MIS18A: variants seen among roughly 807,000 people sequenced by gnomAD.
MIS18A encodes the protein protein Mis18-alpha.
MIS18A carries 14 observed loss-of-function variants against 25.0 expected under a neutral mutation model. The ratio of observed to expected loss-of-function variants is 0.56; its 90% CI spans 0.37 to 0.88. The LOEUF (loss-of-function observed/expected upper bound fraction) is 0.88. Among genes scored for constraint, MIS18A ranks in the 40% least tolerant of loss-of-function variants. MIS18A has a pLI of 0.00. For missense variants in MIS18A, 292 were observed against 290.8 expected, an observed-to-expected ratio of 1.00 and a Z score of -0.03; for synonymous variants, 134 against 118.6, an observed-to-expected ratio of 1.13 and a Z score of -0.84.
At chr21:32,167,924 A>T in the MIS18A span, among the ~76,000 whole-genome samples, 1 of 152,288 alleles carries the variant, frequency 6.6e-6, no homozygotes. Flanking sequence ...AGACAATAGG[A>T]CGTTGTTATG....
the MIS18A span, among the ~76,000 whole-genome samples, chr21:32,208,224 G>C: frequency 1.3e-5 from 2 of 152,116 alleles, no homozygotes; most frequent in African/African-American, 4.8e-5. Flanking sequence ...ACATGGTTTG[G>C]ATCTGTGTCC....
chr21:32,276,793 T>TA (rs2031819616), intron 1 of MIS18A, among the ~76,000 whole-genome samples: 1 of 151,990 alleles, frequency 6.6e-6, no homozygotes, highest in South Asian at 2.1e-4. Context: ...AGCCAGGTGT[T>TA]AGTGTGTATC....
chr21:32,226,956 G>A, the MIS18A span, among the ~76,000 whole-genome samples: 1 of 151,846 alleles, frequency 6.6e-6, no homozygotes, highest in African/African-American at 2.4e-5. Context: ...TCACAAATAG[G>A]AAAACAACAC....
the MIS18A span, among the ~76,000 whole-genome samples, chr21:32,205,130 A>T: frequency 9.9e-6 from 1 of 101,350 alleles, no homozygotes. Context: ...TTTGAGACAG[A>T]GTCTCACTCT....
chr21:32,265,764 G>A (rs530100046), downstream of MIS18A, among the ~76,000 whole-genome samples: 15 of 152,368 alleles, frequency 9.8e-5, no homozygotes, highest in East Asian at 5.8e-4. Context: ...GCCCCGGTGC[G>A]GGATCCACTA....
chr21:32,222,448 G>T, the MIS18A span, among the ~76,000 whole-genome samples: 2 of 152,270 alleles, frequency 1.3e-5, no homozygotes, highest in South Asian at 4.2e-4. Flanking sequence ...GGACCTAATA[G>T]AAATCTACAG....
At chr21:32,163,407 T>C in the MIS18A span, among the ~76,000 whole-genome samples, 1 of 152,194 alleles carries the variant, frequency 6.6e-6, no homozygotes, top group African/African-American at 2.4e-5. Context: ...GAAAGAGTCA[T>C]GCTCACAACA....
the MIS18A span, among the ~76,000 whole-genome samples, chr21:32,200,902 G>A: frequency 6.6e-6 from 1 of 152,148 alleles, no homozygotes; most frequent in Non-Finnish European, 1.5e-5. Flanking sequence ...ACCCTCAGGA[G>A]GCAGGAGAAC....
At chr21:32,156,730 G>A in the MIS18A span, among the ~76,000 whole-genome samples, 1 of 152,054 alleles carries the variant, frequency 6.6e-6, no homozygotes, top group African/African-American at 2.4e-5. Flanking sequence ...GCGGGGGGTT[G>A]CATCTGTGAG....
At chr21:32,203,084 GA>G in the MIS18A span, among the ~76,000 whole-genome samples, 2 of 150,904 alleles carry the variant, frequency 1.3e-5, no homozygotes, top group African/African-American at 4.9e-5. Flanking sequence ...TAATGTAATA[GA>G]AAATTTTAAA....
At chr21:32,248,088 G>T in the MIS18A span, among the ~76,000 whole-genome samples, 1 of 152,182 alleles carries the variant, frequency 6.6e-6, no homozygotes, top group South Asian at 2.1e-4. Context: ...AACGGCTCTG[G>T]TCTTCTCTGT....
chr21:32,269,177 G>A (rs2123462742), intron 4 of MIS18A, 60 bp from the exon 5 acceptor site: 2 of 1,205,560 alleles, frequency 1.7e-6, no homozygotes, highest in Non-Finnish European at 2.3e-6. Context: ...AATTATACAT[G>A]GTTAAATATA....
the MIS18A span, among the ~76,000 whole-genome samples, chr21:32,242,368 A>G: frequency 6.6e-6 from 1 of 152,236 alleles, no homozygotes; most frequent in African/African-American, 2.4e-5. Flanking sequence ...TCTACTGAGT[A>G]AAATAGATAA....
chr21:32,276,166 T>C (rs1396734084), intron 1 of MIS18A, among the ~76,000 whole-genome samples: 1 of 152,196 alleles, frequency 6.6e-6, no homozygotes, highest in Non-Finnish European at 1.5e-5. Context: ...GAACTGTACC[T>C]GCAGCCAAGC....
the MIS18A span, among the ~76,000 whole-genome samples, chr21:32,198,353 C>T: frequency 6.6e-6 from 1 of 152,134 alleles, no homozygotes; most frequent in Non-Finnish European, 1.5e-5. Flanking sequence ...AATTGCTTTT[C>T]CTGAAAAAGA....
chr21:32,161,352 G>C, the MIS18A span, among the ~76,000 whole-genome samples: 27 of 152,040 alleles, frequency 1.8e-4, no homozygotes, highest in African/African-American at 6.5e-4. Context: ...GCACTGTTTG[G>C]GTATTTTATA....
chr21:32,207,893 T>A, the MIS18A span, among the ~76,000 whole-genome samples: 4 of 152,204 alleles, frequency 2.6e-5, no homozygotes, highest in Admixed American at 2.0e-4. Flanking sequence ...TGCAATGGCA[T>A]AGGGGCCTAT....
At chr21:32,271,061 C>A (rs900651770) in intron 2 of MIS18A, among the ~76,000 whole-genome samples, 1 of 152,114 alleles carries the variant, frequency 6.6e-6, no homozygotes. Flanking sequence ...AGATGACAAC[C>A]CATGTAATTG....
the MIS18A span, among the ~76,000 whole-genome samples, chr21:32,236,465 C>CA: frequency 4.9e-4 from 1 of 2,046 alleles, no homozygotes; most frequent in South Asian, 0.038. Flanking sequence ...TAACACTGGT[C>CA]AAAAAAATAA....
Sources: allele counts gnomAD v4.1 joint callset (sites outside exome capture counted in the v4.1 genomes callset), GRCh38; gene constraint gnomAD v4.1.1; transcripts MANE v1.5; gene names NCBI Gene and HGNC (gene_info 2026-07-23, HGNC 2026-07-21).